Variants in CACNA1S observed in about 807,000 individuals in gnomAD.
The protein encoded by CACNA1S is voltage-dependent L-type calcium channel subunit alpha-1S.
Under a neutral mutation model 207.4 loss-of-function variants are expected in CACNA1S, and 126 were observed. The observed-to-expected ratio is 0.61, with a 90% confidence interval of 0.53 to 0.70. The LOEUF (loss-of-function observed/expected upper bound fraction) is 0.70, where lower values mean the gene tolerates loss of function less well. Ranked by LOEUF, CACNA1S falls within the 30% of genes least tolerant of loss-of-function variation. The probability of loss-of-function intolerance (pLI) is 0.00; values close to 1 mark genes in which losing one functional copy is unlikely to be tolerated. For synonymous variants in CACNA1S, 960 were observed against 932.7 expected, an observed-to-expected ratio of 1.03 and a Z score of -0.53; for missense variants, 2,349 against 2,422.8, an observed-to-expected ratio of 0.97 and a Z score of 0.64.
intron 22 of CACNA1S, 31 bp downstream of exon 22, chr1:201,065,807 G>A (rs189746059): frequency 1.0e-5 from 15 of 1,504,906 alleles, no homozygotes; most frequent in South Asian, 5.6e-5. Context: ...GGGAGCGGGA[G>A]GGGGAGCTGC....
Position 201,049,119 on chromosome 1 carries a change from C to G in CACNA1S, c.4242-20G>C, listed in dbSNP as rs374171758. The stretch of plus-strand genomic sequence containing the variant: ...CTCCCCCTGCGGGAGGACACACAGA[C>G]TTGTGTACCTGCTACCCTCCTCCGC... On this transcript the variant is annotated intron_variant, in intron 34 of 43. Transcript: ENST00000362061. 1.3e-6 allele frequency: 2 copies of G among 1,545,780 alleles called. No individual in the cohort carries two copies. The highest frequency in any genetic ancestry group is 2.7e-5 in the African/African-American group (2 of 73,482).
Position 201,040,034 on chromosome 1 carries a change from T to C in CACNA1S, c.5419A>G (p.Ile1807Val). ...GCCAGGGCCTGGCCTGTTGCCATGA[T>C]GAAGTTTGCATCAGCTGCCAAGGTG... ...LGTLAADANF[I>V]MATGQALADA... The change falls in exon 44 of 44, where the codon ATC becomes GTC. Residue 1807 changes from isoleucine to valine, a missense_variant. Transcript: ENST00000362061. 6.2e-7 allele frequency: 1 copy of C among 1,614,242 alleles called. No homozygotes were observed. Among genetic ancestry groups the C allele is most frequent in the Non-Finnish European group, 8.5e-7 (1 of 1,180,028 alleles).
In CACNA1S at chr1:201,078,551, T is replaced by G. The variant is rs541830613; in HGVS notation, c.1394-447A>C. 1.4e-3 allele frequency among the ~76,000 whole-genome samples: 211 copies of G among 149,628 alleles called. 1 individual carries two copies. Among genetic ancestry groups the G allele is most frequent in the African/African-American group, 5.1e-3 (207 of 40,540 alleles). On this transcript the variant is annotated intron_variant, in intron 10 of 43. Coordinates refer to ENST00000362061, the MANE Select transcript of CACNA1S (RefSeq NM_000069.3). Reference sequence around the variant, plus strand: ...AAAAAAAAAAAAAACCCGGTAAATTTTGCCCATTGATTTCTTGCAAGCTAA... The same window carrying G: ...AAAAAAAAAAAAAACCCGGTAAATTGTGCCCATTGATTTCTTGCAAGCTAA...
At chr1:201,087,340 T>C (rs1662067382) in intron 7 of CACNA1S, among the ~76,000 whole-genome samples, 1 of 152,122 alleles carries the variant, frequency 6.6e-6, no homozygotes, top group African/African-American at 2.4e-5. Flanking sequence ...CAAGCAGTAG[T>C]GCAGGGATTT....
At chr1:201,084,895 C>T (rs1661972841) in intron 9 of CACNA1S, 55 bp downstream of exon 9, 3 of 1,208,858 alleles carry the variant, frequency 2.5e-6, no homozygotes, top group South Asian at 1.2e-5. Context: ...ACTCTACCCT[C>T]ATGTCTCAGG....
intron 1 of CACNA1S, 43 bp from the exon 2 acceptor site, chr1:201,110,312 C>T: frequency 6.4e-7 from 1 of 1,562,600 alleles, no homozygotes; most frequent in Non-Finnish European, 8.8e-7. Flanking sequence ...AGGCAAGGGA[C>T]TTACAGGGTT....
Position 201,069,547 on chromosome 1 carries a change from G to A in CACNA1S, c.2415C>T (p.Ile805=), listed in dbSNP as rs267598294. The A allele has an allele frequency of 4.7e-5, 74 of 1,578,784 alleles. No individual in the cohort carries two copies. Among genetic ancestry groups the A allele is most frequent in the Admixed American group, 1.3e-4 (7 of 52,346 alleles). ...IVNATWFTNF[I]LLFILLSSAA... Reference sequence around the variant, plus strand: ...CGCTGCTGAGCAGGATGAAGAGCAGGATGAAGTTGGTAAACCAGGTGGCAT... The same window carrying A: ...CGCTGCTGAGCAGGATGAAGAGCAGAATGAAGTTGGTAAACCAGGTGGCAT... The change falls in exon 18 of 44, where the codon ATC becomes ATT. Residue 805 remains isoleucine (I), a synonymous_variant. Coordinates refer to ENST00000362061, the MANE Select transcript of CACNA1S (RefSeq NM_000069.3).
chr1:201,098,604 C>T (rs1662523192), intron 2 of CACNA1S, among the ~76,000 whole-genome samples: 1 of 152,174 alleles, frequency 6.6e-6, no homozygotes, highest in Non-Finnish European at 1.5e-5. Context: ...GGCTCTCAGG[C>T]TATGTTTGTT....
chr1:201,097,278 T>A (rs147364949), intron 2 of CACNA1S, among the ~76,000 whole-genome samples: 107 of 152,182 alleles, frequency 7.0e-4, no homozygotes, highest in African/African-American at 2.4e-3. Context: ...CTGCAATGGC[T>A]CCACAACACC....
chr1:201,045,050 C>T (rs764175506), intron 38 of CACNA1S, among the ~76,000 whole-genome samples: 2 of 152,218 alleles, frequency 1.3e-5, no homozygotes, highest in Middle Eastern at 3.2e-3. Flanking sequence ...AGTGTTCTTA[C>T]TCAGTACAGT....
intron 28 of CACNA1S, among the ~76,000 whole-genome samples, chr1:201,055,330 C>T (rs992582907): frequency 1.3e-5 from 2 of 152,214 alleles, no homozygotes; most frequent in African/African-American, 4.8e-5. Flanking sequence ...CACTGGTTCT[C>T]CACCCTGGCT....
chr1:201,053,543 C>T lies in CACNA1S; in HGVS notation c.3711G>A (p.Leu1237=), dbSNP rs1403459308. The change falls in exon 30 of 44, where the codon CTG becomes CTA. Residue 1237 remains leucine, a synonymous_variant. Transcript: ENST00000362061. This position sits in a 1 kb window ranked among gnomAD's most constrained non-coding sequence, Gnocchi z 5.1. ...SARISSAFFR[L]FRVMRLIKLL... ...GCTTGATCAGCCTCATGACACGGAA[C>T]AGGCGGAAGAAGGCGCTGGAGATGC... 1.2e-6 allele frequency: 2 copies of T among 1,613,980 alleles called. No individual in the cohort carries two copies. Among genetic ancestry groups the T allele is most frequent in the Non-Finnish European group, 1.7e-6 (2 of 1,180,010 alleles).
chr1:201,056,084 C>CACACACACACAT (rs1660833897), intron 28 of CACNA1S, among the ~76,000 whole-genome samples: 1 of 151,222 alleles, frequency 6.6e-6, no homozygotes, highest in Non-Finnish European at 1.5e-5. Context: ...CACACACACA[C>CACACACACACAT]ACACACACAC....
chr1:201,068,832 A>G (rs993548602), intron 19 of CACNA1S, among the ~76,000 whole-genome samples: 1 of 152,132 alleles, frequency 6.6e-6, no homozygotes, highest in Non-Finnish European at 1.5e-5. Context: ...AGATAGTGCC[A>G]TTGCACTCCA....
rs542481642 is a variant in CACNA1S, at chr1:201,061,873, G to A, written c.3053+71C>T. On this transcript the variant is annotated intron_variant, in intron 24 of 43. Coordinates refer to ENST00000362061, the MANE Select transcript of CACNA1S (RefSeq NM_000069.3). The stretch of plus-strand genomic sequence containing the variant: ...TAGCAGTAGCACCGTGGGGGCTGCA[G>A]AAGGGCAGGCTGGCTGCCTGGTCCT... 46 of 1,570,336 alleles carry A rather than the reference G, an allele frequency of 2.9e-5. No homozygotes were observed. The African/African-American group carries it at 5.3e-4, about 18-fold the overall frequency.
chr1:201,066,415 G>T lies in CACNA1S; in HGVS notation c.2658-99C>A. ...CCATATCCTGCCCTCCACACCAGCT[G>T]CCTTTCTGCCTGAAAACACTCCCAC... On this transcript the variant is annotated intron_variant, in intron 20 of 43. Coordinates refer to ENST00000362061, the MANE Select transcript of CACNA1S (RefSeq NM_000069.3). This position sits in a 1 kb window ranked among gnomAD's most constrained non-coding sequence, Gnocchi z 4.3. 9.8e-7 allele frequency: 1 copy of T among 1,020,638 alleles called. No individual in the cohort carries two copies. Among genetic ancestry groups the T allele is most frequent in the Non-Finnish European group, 1.5e-6 (1 of 653,936 alleles). 63.2% of individuals were successfully genotyped at this position (1,020,638 alleles called of 1,614,324 possible).
intron 10 of CACNA1S, among the ~76,000 whole-genome samples, chr1:201,082,520 G>A (rs1167340244): frequency 6.6e-6 from 1 of 152,006 alleles, no homozygotes; most frequent in Non-Finnish European, 1.5e-5. Flanking sequence ...GACTGCCTAG[G>A]GCTTGTTTAC....
Position 201,056,529 on chromosome 1 carries a change from A to T in CACNA1S, c.3609+1879T>A, listed in dbSNP as rs142034021. 2.4e-4 allele frequency among the ~76,000 whole-genome samples: 36 copies of T among 152,348 alleles called. No individual in the cohort carries two copies. The South Asian group carries it at 4.8e-3, about 20-fold the overall frequency. On this transcript the variant is annotated intron_variant, in intron 28 of 43. Transcript: ENST00000362061. ...GCTTTGGGACCAGTCCCCTGCTGGG[A>T]TCCCTCGTGGTCAGATCAGCCAGCC...
At position 201,069,120 on chromosome 1, in the gene CACNA1S, C is replaced by T. The variant is rs186271965; in HGVS notation, c.2550+17G>A. 198 of 1,611,946 alleles carry T rather than the reference C, an allele frequency of 1.2e-4. 1 individual carries two copies. In the East Asian group the frequency reaches 1.9e-3, roughly 15 times the overall value. On this transcript the variant is annotated intron_variant, in intron 19 of 43. Coordinates refer to ENST00000362061, the MANE Select transcript of CACNA1S (RefSeq NM_000069.3). ...GGGAAACTCCCTCCCCAGGGCTGCC[C>T]CACAGCCTTCACTCACCTTGAGGAC...
Sources: allele counts gnomAD v4.1 joint callset (sites outside exome capture counted in the v4.1 genomes callset), GRCh38; gene constraint gnomAD v4.1.1; non-coding constraint Gnocchi (gnomAD v3.1); transcripts MANE v1.5; gene names NCBI Gene and HGNC (gene_info 2026-07-23, HGNC 2026-07-21).